The following ZHX2 variants were observed in gnomAD, a reference collection of about 807,000 sequenced individuals.
The protein encoded by ZHX2 is zinc fingers and homeoboxes 2.
In ZHX2, 6 loss-of-function variants were observed where a neutral mutation model predicts 21.9. The ratio of observed to expected loss-of-function variants is 0.27; its 90% CI spans 0.15 to 0.54. ZHX2 has a LOEUF of 0.54. Among genes scored for constraint, ZHX2 ranks in the 20% least tolerant of loss-of-function variants. ZHX2 has a pLI of 0.95. For synonymous variants in ZHX2, 434 were observed against 437.1 expected (o/e 0.99, Z 0.09); for missense variants, 908 against 1,090.7 (o/e 0.83, Z 2.36).
intron 1 of ZHX2, among the ~76,000 whole-genome samples, chr8:122,848,478 T>C (rs1818805930): frequency 6.6e-6 from 1 of 152,054 alleles, no homozygotes; most frequent in Non-Finnish European, 1.5e-5. Context: ...CCATCCCCTA[T>C]TCTCAGCCCC....
intron 2 of ZHX2, among the ~76,000 whole-genome samples, chr8:122,891,646 A>G (rs1009948261): frequency 4.6e-5 from 7 of 152,130 alleles, no homozygotes; most frequent in African/African-American, 1.7e-4. Context: ...TTGGCTCAAG[A>G]AATGTGTCAA....
In ZHX2 at chr8:122,867,025, G is replaced by A. The variant is rs562713578; in HGVS notation, c.-220+3486G>A. 5.3e-5 allele frequency among the ~76,000 whole-genome samples: 8 copies of A among 150,740 alleles called. No homozygotes were observed. In the East Asian group the frequency reaches 1.6e-3, roughly 29 times the overall value. On this transcript the variant is annotated intron_variant, in intron 2 of 3. Coordinates refer to ENST00000314393, the MANE Select transcript of ZHX2 (RefSeq NM_014943.5). ...TTTTTGTATTTTTAGTAGAGACAGG[G>A]TTTCACCATGTTGGCCAGGCGGGTC... is the stretch of plus-strand genomic sequence containing the variant.
chr8:122,833,566 G>C (rs1047654600), intron 1 of ZHX2, among the ~76,000 whole-genome samples: 1 of 152,156 alleles, frequency 6.6e-6, no homozygotes, highest in Non-Finnish European at 1.5e-5. Flanking sequence ...TGGAGGAGTA[G>C]AAGAAAGTTA....
upstream of ZHX2, chr8:122,780,489 C>T (rs1817254624): frequency 6.6e-6 from 1 of 152,418 alleles, no homozygotes; most frequent in African/African-American, 2.4e-5. Flanking sequence ...AAACAAGGTA[C>T]ATCTGGGCAG....
At chr8:122,921,492 G>T (rs1414542421) in intron 2 of ZHX2, among the ~76,000 whole-genome samples, 1 of 152,112 alleles carries the variant, frequency 6.6e-6, no homozygotes, top group Non-Finnish European at 1.5e-5. Context: ...TGGGGGTTTG[G>T]ATCCGCAGAT....
At chr8:122,827,951 A>G (rs1273408759) in intron 1 of ZHX2, among the ~76,000 whole-genome samples, 1 of 152,120 alleles carries the variant, frequency 6.6e-6, no homozygotes, top group East Asian at 1.9e-4. Context: ...TGCCTCTACA[A>G]AAAAATTTAA....
At chr8:122,894,092 G>A (rs1156329311) in intron 2 of ZHX2, among the ~76,000 whole-genome samples, 3 of 152,230 alleles carry the variant, frequency 2.0e-5, no homozygotes, top group Non-Finnish European at 4.4e-5. Context: ...TGTAAGAAGT[G>A]CCTACAAGTG....
chr8:122,958,934 G>A (rs931587609), intron 3 of ZHX2, among the ~76,000 whole-genome samples: 39 of 152,188 alleles, frequency 2.6e-4, no homozygotes, highest in African/African-American at 8.9e-4. Context: ...GTGAGAAATG[G>A]ACATAGAAAC....
intron 1 of ZHX2, among the ~76,000 whole-genome samples, chr8:122,836,180 A>T (rs927802459): frequency 8.5e-5 from 13 of 152,186 alleles, no homozygotes; most frequent in African/African-American, 3.1e-4. Context: ...AGGCCAGATG[A>T]TCAGCAAGTG....
chr8:122,828,870 ACAGAGTACC>A lies in ZHX2; in HGVS notation c.-282-34603_-282-34595del, dbSNP rs1401673876. 6.6e-6 allele frequency among the ~76,000 whole-genome samples: 1 copy of A among 152,128 alleles called. No homozygotes were observed. The highest frequency in any genetic ancestry group is 6.6e-5 in the Admixed American group (1 of 15,252). ...TTTATTTTATTTTATTTTATTTTAC[ACAGAGTACC>A]CAGGAGATGGCAGATAATAATTCAT... is the stretch of plus-strand genomic sequence containing the variant. On this transcript the variant is annotated intron_variant, in intron 1 of 3. Transcript: ENST00000314393. This position sits in a 1 kb window ranked among gnomAD's most constrained non-coding sequence, Gnocchi z 5.2.
At chr8:122,850,218 C>T (rs1372783207) in intron 1 of ZHX2, among the ~76,000 whole-genome samples, 1 of 152,110 alleles carries the variant, frequency 6.6e-6, no homozygotes, top group Non-Finnish European at 1.5e-5. Context: ...CGTGTCGCAC[C>T]CCCCCTCAGG....
chr8:122,784,641 C>T (rs1025279061), intron 1 of ZHX2, among the ~76,000 whole-genome samples: 4 of 152,182 alleles, frequency 2.6e-5, no homozygotes, highest in African/African-American at 9.7e-5. Context: ...ATTCATTCAG[C>T]AACTATAATG....
chr8:122,955,064 T>G (rs903573302), intron 3 of ZHX2, among the ~76,000 whole-genome samples: 1 of 49,518 alleles, frequency 2.0e-5, no homozygotes. Context: ...TAGAGTCACA[T>G]AAGCCGGGGG....
intron 2 of ZHX2, among the ~76,000 whole-genome samples, chr8:122,882,096 C>A (rs1401357937): frequency 6.6e-6 from 1 of 152,162 alleles, no homozygotes; most frequent in Admixed American, 6.5e-5. Flanking sequence ...ACTGGAAGTT[C>A]TGATTTTAGG....
intron 1 of ZHX2, among the ~76,000 whole-genome samples, chr8:122,844,543 G>A (rs1818710563): frequency 6.6e-6 from 1 of 152,200 alleles, no homozygotes; most frequent in Non-Finnish European, 1.5e-5. Context: ...GAGAGAACTG[G>A]GGTCCGGAGA....
chr8:122,864,758 G>A lies in ZHX2; in HGVS notation c.-220+1219G>A, dbSNP rs370580769. Among the ~76,000 whole-genome samples the A allele has an allele frequency of 1.5e-4, 23 of 152,262 alleles. No homozygotes were observed. In the South Asian group the frequency reaches 2.3e-3, roughly 15 times the overall value. The stretch of plus-strand genomic sequence containing the variant: ...CAGGGGCAGTATCACATACTCCAGT[G>A]GCCAAAACCTGGCCCACTGAGCGTG... On this transcript the variant is annotated intron_variant, in intron 2 of 3. Transcript: ENST00000314393.
chr8:122,891,007 CTTG>C (rs1819961600), intron 2 of ZHX2, among the ~76,000 whole-genome samples: 1 of 151,960 alleles, frequency 6.6e-6, no homozygotes, highest in African/African-American at 2.4e-5. Flanking sequence ...CTGTAGTTTT[CTTG>C]TTGTTGTATC....
chr8:122,863,078 CT>C (rs993322258), intron 1 of ZHX2, among the ~76,000 whole-genome samples: 1 of 152,240 alleles, frequency 6.6e-6, no homozygotes, highest in African/African-American at 2.4e-5. Context: ...GAGCACAGAG[CT>C]TTCCCCCTTC....
intron 2 of ZHX2, among the ~76,000 whole-genome samples, chr8:122,908,304 A>T (rs2129985735): frequency 6.6e-6 from 1 of 152,244 alleles, no homozygotes; most frequent in East Asian, 1.9e-4. Context: ...AGTTCAAGAG[A>T]TTCTCCTGCC....
Sources: allele counts gnomAD v4.1 joint callset (sites outside exome capture counted in the v4.1 genomes callset), GRCh38; gene constraint gnomAD v4.1.1; non-coding constraint Gnocchi (gnomAD v3.1); transcripts MANE v1.5; gene names NCBI Gene and HGNC (gene_info 2026-07-23, HGNC 2026-07-21).